The following CLCN2 variants were observed in gnomAD, a reference collection of about 807,000 sequenced individuals.
CLCN2 encodes the protein chloride channel protein 2.
In CLCN2, 72 loss-of-function variants were observed where a neutral mutation model predicts 108.3. The ratio of observed to expected loss-of-function variants is 0.66; its 90% CI spans 0.55 to 0.81. CLCN2 has a LOEUF of 0.81. CLCN2 is among the 30% of genes least tolerant of loss of function. The pLI is 0.00. For synonymous variants in CLCN2, 471 were observed against 467.1 expected (o/e 1.01, Z -0.11); for missense variants, 1,048 against 1,205.2 (o/e 0.87, Z 1.93).
chr3:184,359,182 A>G lies in CLCN2; in HGVS notation c.64-51T>C, dbSNP rs772775854. 50 of 1,608,052 alleles carry G rather than the reference A, an allele frequency of 3.1e-5. No individual in the cohort carries two copies. In the East Asian group the frequency reaches 1.1e-3, roughly 35 times the overall value. ...ATTCGAGGTCATGGGCTGAGTGGGA[A>G]CGCAGGGAGAGTTCTTAGAGCCTCC... On this transcript the variant is annotated intron_variant, in intron 1 of 23. Transcript: ENST00000265593.
intron 14 of CLCN2, 80 bp downstream of exon 14, chr3:184,354,468 G>A: frequency 2.2e-6 from 3 of 1,369,404 alleles, no homozygotes; most frequent in Non-Finnish European, 3.1e-6. Context: ...CTGCCAGCAG[G>A]GGGCACCAGA....
chr3:184,358,657 T>TC, intron 3 of CLCN2, 25 bp downstream of exon 3: 1 of 1,559,120 alleles, frequency 6.4e-7, no homozygotes, highest in South Asian at 1.2e-5. Flanking sequence ...TTCCCAGTCC[T>TC]CCCCCTGCCA....
At chr3:184,356,005 T>C in intron 10 of CLCN2, 1 of 540,060 alleles carries the variant, frequency 1.9e-6, no homozygotes, top group Non-Finnish European at 3.4e-6. Flanking sequence ...AGCCCCTGAC[T>C]CTGTAGGTGG....
chr3:184,347,173 A>G (rs901906619), intron 22 of CLCN2, 152 bp from the exon 23 acceptor site: 6 of 688,942 alleles, frequency 8.7e-6, no homozygotes, highest in African/African-American at 3.5e-5. Context: ...GGAAAATAAT[A>G]ACAATCGTAA....
At chr3:184,356,965 G>T (rs1303142488) in intron 10 of CLCN2, 28 bp downstream of exon 10, 2 of 1,547,536 alleles carry the variant, frequency 1.3e-6, no homozygotes, top group African/African-American at 1.4e-5. Context: ...ACTCAAAGCA[G>T]CCTGGAGAGG....
chr3:184,352,835 A>G, intron 18 of CLCN2, 25 bp from the exon 19 acceptor site: 3 of 1,612,270 alleles, frequency 1.9e-6, no homozygotes, highest in Non-Finnish European at 8.5e-7. Flanking sequence ...ATAAGGCCCC[A>G]GGGGGCAATG....
Position 184,355,097 on chromosome 3 carries a change from C to T in CLCN2, c.1327-124G>A. On this transcript the variant is annotated intron_variant, in intron 12 of 23. Coordinates refer to ENST00000265593, the MANE Select transcript of CLCN2 (RefSeq NM_004366.6). The surrounding 1 kb of genome is among the most constrained non-coding windows in gnomAD (Gnocchi z 6.3). ...CGTAACCCTCCCAGCCACCCCGTAA[C>T]CCTCCTAGCTACCCTGGGACCCCCA... 1.0e-6 allele frequency: 1 copy of T among 967,906 alleles called. No homozygotes were observed. Among genetic ancestry groups the T allele is most frequent in the Non-Finnish European group, 1.6e-6 (1 of 617,610 alleles). 60.0% of individuals were successfully genotyped at this position (967,906 alleles called of 1,614,324 possible). A position where few individuals can be genotyped will look rare whatever the true frequency, so the allele number is the denominator to read the frequency against.
chr3:184,349,327 G>GAGGCAGGAGAA (rs1316746482), intron 22 of CLCN2: 2 of 152,288 alleles, frequency 1.3e-5, no homozygotes, highest in African/African-American at 4.8e-5. Context: ...CGGGAGGGCT[G>GAGGCAGGAGAA]AGGCAGGAGA....
At chr3:184,352,616 C>T in intron 19 of CLCN2, 120 bp from the exon 20 acceptor site, 9 of 1,446,356 alleles carry the variant, frequency 6.2e-6, no homozygotes, top group Non-Finnish European at 8.7e-6. Flanking sequence ...GAGCTGACAG[C>T]AGGGAGGGCC....
At position 184,361,521 on chromosome 3, in the gene CLCN2, C is replaced by G. The variant is rs754923648; in HGVS notation, c.-42G>C. 2.1e-5 allele frequency: 34 copies of G among 1,600,222 alleles called. No homozygotes were observed. The South Asian group carries it at 3.7e-4, about 18-fold the overall frequency. On this transcript the variant is annotated 5_prime_UTR_variant, in exon 1 of 24. Coordinates refer to ENST00000265593, the MANE Select transcript of CLCN2 (RefSeq NM_004366.6). This position sits in a 1 kb window ranked among gnomAD's most constrained non-coding sequence, Gnocchi z 6.6. ...CTCGCCTCCCTCGGCGGTTCCGGCT[C>G]TGTCCTGGACTCGGCTCCCGGCCCG... is the stretch of plus-strand genomic sequence containing the variant.
At chr3:184,354,487 C>T in intron 14 of CLCN2, 61 bp downstream of exon 14, 3 of 1,440,666 alleles carry the variant, frequency 2.1e-6, no homozygotes, top group Non-Finnish European at 2.9e-6. Flanking sequence ...GAGTCTCGGA[C>T]CCTGTGGCTG....
intron 22 of CLCN2, among the ~76,000 whole-genome samples, chr3:184,351,467 C>T (rs576262812): frequency 2.0e-5 from 3 of 152,298 alleles, no homozygotes; most frequent in South Asian, 2.1e-4. Context: ...CATCTTCCCG[C>T]GTCCGTACCA....
chr3:184,353,826 G>A (rs1165748110), intron 15 of CLCN2, 31 bp from the exon 16 acceptor site: 1 of 1,597,634 alleles, frequency 6.3e-7, no homozygotes, highest in East Asian at 2.3e-5. Flanking sequence ...TTGGTTTGTG[G>A]TCAGCATGGG....
At chr3:184,354,442 G>T in intron 14 of CLCN2, 106 bp downstream of exon 14, 2 of 1,325,198 alleles carry the variant, frequency 1.5e-6, no homozygotes, top group Non-Finnish European at 2.1e-6. Flanking sequence ...CTGTGCATCT[G>T]AGGGAAGCCT....
At chr3:184,350,647 G>A (rs778151299) in intron 22 of CLCN2, among the ~76,000 whole-genome samples, 1 of 152,064 alleles carries the variant, frequency 6.6e-6, no homozygotes, top group Non-Finnish European at 1.5e-5. Flanking sequence ...ATGTTGGCCA[G>A]GCTGGTCTCG....
At chr3:184,348,586 A>G (rs1311822207) in intron 22 of CLCN2, 3 of 151,830 alleles carry the variant, frequency 2.0e-5, no homozygotes, top group African/African-American at 7.3e-5. Flanking sequence ...CTGGAGTCCT[A>G]CGTGCTACAA....
At position 184,346,692 on chromosome 3, in the gene CLCN2, C is replaced by G. The variant is rs1282755907; in HGVS notation, c.2611G>C (p.Glu871Gln). Residue 871 changes from glutamate (E) to glutamine (Q), a missense_variant, in exon 24 of 24, where the codon GAG becomes CAG. Physicochemically the swap from Glu to Gln is conservative, Grantham distance 29 (BLOSUM62 2). Coordinates refer to ENST00000265593, the MANE Select transcript of CLCN2 (RefSeq NM_004366.6). This position sits in a 1 kb window ranked among gnomAD's most constrained non-coding sequence, Gnocchi z 6.0. ...ATSSSDTETT[E>Q]VHALWGPHSR... Reference sequence around the variant, plus strand: ...TGGGGCCCCCAGAGTGCATGCACCTCAGTGGTCTCCGTGTCACTGCTGCTG... The same window carrying G: ...TGGGGCCCCCAGAGTGCATGCACCTGAGTGGTCTCCGTGTCACTGCTGCTG... The G allele has an allele frequency of 1.2e-6, 2 of 1,614,188 alleles. No individual in the cohort carries two copies. The highest frequency in any genetic ancestry group is 1.7e-6 in the Non-Finnish European group (2 of 1,180,036).
At position 184,352,725 on chromosome 3, in the gene CLCN2, C is replaced by G. The variant is rs375390596; in HGVS notation, c.2217+12G>C. On this transcript the variant is annotated intron_variant, in intron 19 of 23. Coordinates refer to ENST00000265593, the MANE Select transcript of CLCN2 (RefSeq NM_004366.6). Reference sequence around the variant, plus strand: ...AAAAAGCAAGCTAGGAGGACAGGCTCCAGCCACTCACCTCCGAAGCAGCCT... The same window carrying G: ...AAAAAGCAAGCTAGGAGGACAGGCTGCAGCCACTCACCTCCGAAGCAGCCT... 1.2e-4 allele frequency: 186 copies of G among 1,612,892 alleles called. 1 individual carries two copies. The highest frequency in any genetic ancestry group is 9.5e-4 in the Admixed American group (57 of 60,008).
At position 184,355,638 on chromosome 3, in the gene CLCN2, T is replaced by C; in HGVS notation, c.1170+56A>G. 6.2e-7 allele frequency: 1 copy of C among 1,605,834 alleles called. No individual in the cohort carries two copies. Among genetic ancestry groups the C allele is most frequent in the South Asian group, 1.1e-5 (1 of 90,896 alleles). The stretch of plus-strand genomic sequence containing the variant: ...CCACAGTCACACTGGGGCTGTTGGC[T>C]TTGGAGGAATGCCTTCCAAGGGAAA... On this transcript the variant is annotated intron_variant, in intron 11 of 23. Transcript: ENST00000265593. The surrounding 1 kb of genome is among the most constrained non-coding windows in gnomAD (Gnocchi z 6.3).
Sources: allele counts gnomAD v4.1 joint callset (sites outside exome capture counted in the v4.1 genomes callset), GRCh38; gene constraint gnomAD v4.1.1; non-coding constraint Gnocchi (gnomAD v3.1); transcripts MANE v1.5; gene names NCBI Gene and HGNC (gene_info 2026-07-23, HGNC 2026-07-21).